The following ITGB5 variants were observed in gnomAD, a reference collection of about 807,000 sequenced individuals.
ITGB5 encodes the protein integrin beta-5.
In ITGB5, 38 loss-of-function variants were observed where a neutral mutation model predicts 84.8. The ratio of observed to expected loss-of-function variants is 0.45; its 90% CI spans 0.35 to 0.59. The LOEUF is 0.59. Among genes scored for constraint, ITGB5 ranks in the 20% least tolerant of loss-of-function variants. The pLI is 0.01. For missense variants in ITGB5, 905 were observed against 1,034.5 expected, an observed-to-expected ratio of 0.87 and a Z score of 1.72; for synonymous variants, 393 against 414.4, an observed-to-expected ratio of 0.95 and a Z score of 0.63.
chr3:124,898,903 C>G (rs1935166667), intron 1 of ITGB5, among the ~76,000 whole-genome samples: 1 of 151,580 alleles, frequency 6.6e-6, no homozygotes, highest in Non-Finnish European at 1.5e-5. Context: ...TGGTGAAACC[C>G]TGTCTCTACT....
rs555021413 is a variant in ITGB5 at position 124,886,422 on chromosome 3, G to A, written c.70+509C>T. ...CAGCGAACTCCAGGATTCGCTGTGG[G>A]CCCTGTGCACCCGCTGTTCCAGGAG... On this transcript the variant is annotated intron_variant, in intron 1 of 14. Coordinates refer to ENST00000296181, the MANE Select transcript of ITGB5 (RefSeq NM_002213.5). Among the ~76,000 whole-genome samples the A allele has an allele frequency of 3.8e-3, 571 of 152,264 alleles. 5 individuals carry two copies. Among genetic ancestry groups the A allele is most frequent in the Admixed American group, 4.1e-3 (63 of 15,300 alleles).
intron 10 of ITGB5, among the ~76,000 whole-genome samples, chr3:124,785,613 A>G (rs1335144226): frequency 6.6e-6 from 1 of 151,876 alleles, no homozygotes; most frequent in Admixed American, 6.6e-5. Context: ...CCAAAAAAAC[A>G]AAGGTGCACT....
At chr3:124,896,408 CAGACTCTT>C (rs1177369081) in intron 1 of ITGB5, among the ~76,000 whole-genome samples, 1 of 152,170 alleles carries the variant, frequency 6.6e-6, no homozygotes, top group Non-Finnish European at 1.5e-5. Context: ...ACTAGACATT[CAGACTCTT>C]AGCCTTTCAG....
At chr3:124,806,751 A>T (rs2064411793) in intron 9 of ITGB5, among the ~76,000 whole-genome samples, 1 of 151,234 alleles carries the variant, frequency 6.6e-6, no homozygotes, top group Non-Finnish European at 1.5e-5. Flanking sequence ...TCCATTTTTT[A>T]TAACTATCTC....
intron 5 of ITGB5, among the ~76,000 whole-genome samples, chr3:124,835,160 C>G (rs574201511): frequency 1.1e-4 from 17 of 152,226 alleles, no homozygotes; most frequent in Admixed American, 3.9e-4. Context: ...AACGCAAACT[C>G]TCCCACGTGC....
chr3:124,838,331 C>A (rs1249902762), intron 5 of ITGB5, among the ~76,000 whole-genome samples: 1 of 152,084 alleles, frequency 6.6e-6, no homozygotes, highest in African/African-American at 2.4e-5. Flanking sequence ...CTGAGACAAC[C>A]ACTGTTACCA....
intron 1 of ITGB5, among the ~76,000 whole-genome samples, chr3:124,881,644 G>A (rs573670551): frequency 6.6e-6 from 1 of 152,060 alleles, no homozygotes. Flanking sequence ...TCAGGGAGTA[G>A]ACCAAATGGC....
At chr3:124,769,224 C>G in intron 11 of ITGB5, 111 bp from the exon 12 acceptor site, 1 of 756,440 alleles carries the variant, frequency 1.3e-6, no homozygotes, top group South Asian at 1.8e-5. Context: ...TTCTTTCCAG[C>G]TGCAGATGTT....
intron 2 of ITGB5, among the ~76,000 whole-genome samples, chr3:124,861,277 A>C (rs1369350243): frequency 6.6e-6 from 1 of 151,982 alleles, no homozygotes; most frequent in African/African-American, 2.4e-5. Context: ...CAAAGGTATA[A>C]GTGGCTCCAT....
At chr3:124,802,914 C>CA (rs1244977795) in intron 9 of ITGB5, among the ~76,000 whole-genome samples, 1 of 151,846 alleles carries the variant, frequency 6.6e-6, no homozygotes, top group Non-Finnish European at 1.5e-5. Flanking sequence ...GACAGCAAGA[C>CA]AACAACACTG....
intron 9 of ITGB5, among the ~76,000 whole-genome samples, chr3:124,806,424 ATTTTTTT>A (rs71145488): frequency 2.7e-5 from 2 of 72,792 alleles, no homozygotes; most frequent in Admixed American, 1.8e-4. Flanking sequence ...GCCTCATTCC[ATTTTTTT>A]TTTTTTTTTT....
intron 11 of ITGB5, among the ~76,000 whole-genome samples, chr3:124,772,924 T>C (rs2063868379): frequency 6.6e-6 from 1 of 150,934 alleles, no homozygotes; most frequent in Non-Finnish European, 1.5e-5. Flanking sequence ...TTTTTTTTTT[T>C]TTTTTTTGAG....
chr3:124,828,868 T>C (rs746326889), intron 5 of ITGB5, among the ~76,000 whole-genome samples: 3 of 152,234 alleles, frequency 2.0e-5, no homozygotes, highest in Non-Finnish European at 2.9e-5. Context: ...TTCGGTCCCA[T>C]GTCTCCCTTA....
At chr3:124,777,426 A>G (rs975634049) in intron 10 of ITGB5, among the ~76,000 whole-genome samples, 2 of 152,234 alleles carry the variant, frequency 1.3e-5, no homozygotes, top group African/African-American at 4.8e-5. Context: ...CAGCCAAACC[A>G]GAAAATAAGC....
At position 124,859,416 on chromosome 3, in the gene ITGB5, G is replaced by A. The variant is rs138724451; in HGVS notation, c.187C>T (p.Arg63Trp). ...DFGSPRSITSRCDLRANLVKN... is the reference protein window; with the variant it reads ...DFGSPRSITSWCDLRANLVKN... ...ACAAGGTTTGCCCTCAGATCACACC[G>A]AGAGGTGATGGACCGTGGGCTTCCG... Residue 63 changes from arginine (R) to tryptophan (W), a missense_variant, in exon 3 of 15, where the codon CGG (arginine) becomes TGG (tryptophan). Physicochemically the swap from Arg to Trp is moderately radical, Grantham distance 101 (BLOSUM62 -3). Around this residue, in one of 3 missense-constraint regions of ITGB5, gnomAD observed 656 missense variants for 734.7 expected, o/e 0.89. Transcript: ENST00000296181. The A allele has an allele frequency of 6.9e-5, 112 of 1,613,970 alleles. No individual in the cohort carries two copies. Among genetic ancestry groups the A allele is most frequent in the Middle Eastern group, 1.6e-4 (1 of 6,084 alleles).
At chr3:124,898,594 A>T (rs1935154423) in intron 1 of ITGB5, among the ~76,000 whole-genome samples, 1 of 138,874 alleles carries the variant, frequency 7.2e-6, no homozygotes, top group Non-Finnish European at 1.5e-5. Flanking sequence ...CAGTGAGCCA[A>T]GATTGTGCAA....
At position 124,821,306 on chromosome 3, in the gene ITGB5, C is replaced by G. The variant is rs768294136; in HGVS notation, c.942+7G>C. 1.9e-5 allele frequency: 30 copies of G among 1,609,998 alleles called. No homozygotes were observed. The highest frequency in any genetic ancestry group is 2.3e-5 in the Non-Finnish European group (27 of 1,177,982). On this transcript the variant is annotated splice_region_variant and intron_variant, in intron 6 of 14. Coordinates refer to ENST00000296181, the MANE Select transcript of ITGB5 (RefSeq NM_002213.5). ...CAGGGAGGGGGGATCTGGTTCCCGG[C>G]ACTCACCATCTGGTTGGATGCAGTG...
intron 12 of ITGB5, 149 bp from the exon 13 acceptor site, chr3:124,766,494 A>ATT: frequency 1.1e-6 from 1 of 918,790 alleles, no homozygotes; most frequent in Non-Finnish European, 1.6e-6. Context: ...GCCTTTGAAG[A>ATT]TGAGTTCAGT....
chr3:124,859,464 GGAAGAGA>G lies in ITGB5; in HGVS notation c.157-25_157-19del. 1 of 1,608,854 alleles carries G rather than the reference GGAAGAGA, an allele frequency of 6.2e-7. No homozygotes were observed. The highest frequency in any genetic ancestry group is 8.5e-7 in the Non-Finnish European group (1 of 1,177,444). On this transcript the variant is annotated intron_variant, in intron 2 of 14. Transcript: ENST00000296181. ...CCGAAGTCCTAGGCAGGGAAAAAGA[GGAAGAGA>G]GCAGGAGGTGGTCAGGGTGTCTCCC... is the stretch of plus-strand genomic sequence containing the variant.
Sources: allele counts gnomAD v4.1 joint callset (sites outside exome capture counted in the v4.1 genomes callset), GRCh38; gene constraint gnomAD v4.1.1; regional missense constraint gnomAD v4.1.1; transcripts MANE v1.5; gene names NCBI Gene and HGNC (gene_info 2026-07-23, HGNC 2026-07-21).